The following BRSK2 variants were observed in gnomAD, a reference collection of about 807,000 sequenced individuals.
The protein encoded by BRSK2 is BR serine/threonine kinase 2, also known as serine/threonine-protein kinase BRSK2.
BRSK2 carries 19 observed loss-of-function variants against 83.3 expected under a neutral mutation model. The observed-to-expected ratio is 0.23, with a 90% confidence interval of 0.16 to 0.33. The LOEUF (loss-of-function observed/expected upper bound fraction) is 0.33, where lower values mean the gene tolerates loss of function less well. Ranked by LOEUF, BRSK2 falls within the 10% of genes least tolerant of loss-of-function variation. The probability of loss-of-function intolerance (pLI) is 1.00; values close to 1 mark genes in which losing one functional copy is unlikely to be tolerated. For synonymous variants in BRSK2, 519 were observed against 435.4 expected (o/e 1.19, Z -2.39); for missense variants, 798 against 1,042.3 (o/e 0.77, Z 3.23).
rs529549508 is a variant in BRSK2, at chr11:1,394,381, C to T, written c.91+4006C>T. Reference sequence around the variant, plus strand: ...CCTGGAGATGGGCCATGGAGATGGGCCATGGAGATGGGTCCTGGAGATGGG... The same window carrying T: ...CCTGGAGATGGGCCATGGAGATGGGTCATGGAGATGGGTCCTGGAGATGGG... On this transcript the variant is annotated intron_variant, in intron 1 of 19. Coordinates refer to ENST00000528841, the MANE Select transcript of BRSK2 (RefSeq NM_001256627.2). Among the ~76,000 whole-genome samples, 261 of 63,770 alleles carry T rather than the reference C, an allele frequency of 4.1e-3. 15 individuals are homozygous for T. Among genetic ancestry groups the T allele is most frequent in the African/African-American group, 0.025 (221 of 8,806 alleles). 41.8% of individuals were successfully genotyped at this position (63,770 alleles called of 152,430 possible).
Position 1,442,490 on chromosome 11 carries a change from C to T in BRSK2, c.414C>T (p.Cys138=), listed in dbSNP as rs770886182. 1.2e-6 allele frequency: 2 copies of T among 1,611,998 alleles called. No individual in the cohort carries two copies. The highest frequency in any genetic ancestry group is 4.5e-5 in the East Asian group (2 of 44,850). Residue 138 remains cysteine (C), a splice_region_variant and synonymous_variant, in exon 5 of 20, where the codon TGC becomes TGT. Coordinates refer to ENST00000528841, the MANE Select transcript of BRSK2 (RefSeq NM_001256627.2). Reference sequence around the variant, plus strand: ...TCAGCCTCACCACCCTCCTCCCCAGCCACAGGGATCTGAAACCTGAAAACC... The same window carrying T: ...TCAGCCTCACCACCCTCCTCCCCAGTCACAGGGATCTGAAACCTGAAAACC... ...ALDFCHSHSI[C]HRDLKPENLL...
At chr11:1,458,126 T>C (rs990282655) in intron 18 of BRSK2, among the ~76,000 whole-genome samples, 3 of 152,012 alleles carry the variant, frequency 2.0e-5, no homozygotes, top group Non-Finnish European at 2.9e-5. Flanking sequence ...AGGGCTTGTC[T>C]GGTAGGGCAA....
At position 1,418,096 on chromosome 11, in the gene BRSK2, CA is replaced by C. The variant is rs566944971; in HGVS notation, c.92-17943del. Among the ~76,000 whole-genome samples, 307 of 139,958 alleles carry C rather than the reference CA, an allele frequency of 2.2e-3. 1 individual carries two copies. Among genetic ancestry groups the C allele is most frequent in the Admixed American group, 3.5e-3 (49 of 14,150 alleles). The allele number at this position is 139,958 out of a possible 152,430, so 91.8% of individuals were successfully genotyped here. A position where few individuals can be genotyped will look rare whatever the true frequency, so the allele number is the denominator to read the frequency against. Reference sequence around the variant, plus strand: ...TGTTTCTTCTCTTGAGAGTGGGTCACACTGTGTCCTGCTTCTGTTGGCTGTT... The same window carrying C: ...TGTTTCTTCTCTTGAGAGTGGGTCACCTGTGTCCTGCTTCTGTTGGCTGTT... On this transcript the variant is annotated intron_variant, in intron 1 of 19. Transcript: ENST00000528841.
At chr11:1,450,849 T>C (rs1845733753) in intron 14 of BRSK2, 55 bp downstream of exon 14, 2 of 1,497,090 alleles carry the variant, frequency 1.3e-6, no homozygotes, top group Admixed American at 2.5e-5. Context: ...AGAGGCTGCC[T>C]TGGGGAGGGC....
chr11:1,424,343 G>A (rs1281948196), intron 1 of BRSK2, among the ~76,000 whole-genome samples: 1 of 152,222 alleles, frequency 6.6e-6, no homozygotes, highest in Non-Finnish European at 1.5e-5. Flanking sequence ...CACTGGGTGG[G>A]TCTGAGTGTG....
intron 2 of BRSK2, among the ~76,000 whole-genome samples, chr11:1,436,782 G>T (rs897405571): frequency 6.6e-6 from 1 of 152,062 alleles, no homozygotes; most frequent in Non-Finnish European, 1.5e-5. Flanking sequence ...GGCCAGTCGA[G>T]CCCCCTCCTC....
intron 1 of BRSK2, among the ~76,000 whole-genome samples, chr11:1,391,346 G>A (rs1455430232): frequency 6.6e-6 from 1 of 152,204 alleles, no homozygotes; most frequent in Non-Finnish European, 1.5e-5. Flanking sequence ...AGACCCGGGC[G>A]GGCAGGGGTG....
rs73411411 is a variant in BRSK2, at chr11:1,454,418, C to T, written c.1545-67C>T. ...GATTCCGCCGTTCCAACCCCAGATT[C>T]GAGGGAGGCAGGGGTGTGGACGGTG... On this transcript the variant is annotated intron_variant, in intron 15 of 19. Coordinates refer to ENST00000528841, the MANE Select transcript of BRSK2 (RefSeq NM_001256627.2). This position sits in a 1 kb window ranked among gnomAD's most constrained non-coding sequence, Gnocchi z 5.2. 8.2e-6 allele frequency: 13 copies of T among 1,580,864 alleles called. No homozygotes were observed. The highest frequency in any genetic ancestry group is 4.5e-5 in the East Asian group (2 of 44,526).
intron 1 of BRSK2, among the ~76,000 whole-genome samples, chr11:1,428,005 C>T (rs1270050431): frequency 1.3e-5 from 2 of 152,166 alleles, no homozygotes; most frequent in African/African-American, 4.8e-5. Context: ...CTAGGAGGGA[C>T]GCCTCTATGC....
At chr11:1,444,845 C>A in intron 8 of BRSK2, 126 bp from the exon 9 acceptor site, 1 of 821,672 alleles carries the variant, frequency 1.2e-6, no homozygotes, top group Non-Finnish European at 2.0e-6. Flanking sequence ...CTTCCCCCCA[C>A]TCACTTGCCC....
rs188338848 is a variant in BRSK2 at position 1,460,219 on chromosome 11, G to T, written c.1988-281G>T. Reference sequence around the variant, plus strand: ...TGCGCAACAGCTCGGAGGCGCTGGGGTCCTAAGTTCCTGGCCCCACGGCGC... The same window carrying T: ...TGCGCAACAGCTCGGAGGCGCTGGGTTCCTAAGTTCCTGGCCCCACGGCGC... On this transcript the variant is annotated intron_variant, in intron 19 of 19. Transcript: ENST00000528841. Among the ~76,000 whole-genome samples the T allele has an allele frequency of 2.0e-3, 302 of 152,240 alleles. 1 individual carries two copies. Among genetic ancestry groups the T allele is most frequent in the Non-Finnish European group, 3.5e-3 (241 of 68,014 alleles).
At position 1,390,992 on chromosome 11, in the gene BRSK2, G is replaced by A. The variant is rs779210325; in HGVS notation, c.91+617G>A. 7.9e-5 allele frequency among the ~76,000 whole-genome samples: 12 copies of A among 152,186 alleles called. No homozygotes were observed. Among genetic ancestry groups the A allele is most frequent in the African/African-American group, 1.2e-4 (5 of 41,452 alleles). ...TCCCACGGGGCAGGGAGAGGCCATT[G>A]GTGCTGGGACCAGAAGTGCGTGGGA... On this transcript the variant is annotated intron_variant, in intron 1 of 19. Coordinates refer to ENST00000528841, the MANE Select transcript of BRSK2 (RefSeq NM_001256627.2). This position sits in a 1 kb window ranked among gnomAD's most constrained non-coding sequence, Gnocchi z 6.8.
At chr11:1,442,402 C>G in intron 4 of BRSK2, 88 bp from the exon 5 acceptor site, 1 of 945,870 alleles carries the variant, frequency 1.1e-6, no homozygotes, top group Non-Finnish European at 1.7e-6. Context: ...TTTGGAGAGG[C>G]AGTGGGCTCT....
chr11:1,420,157 C>CGTGCATGTGTGCGTGT (rs1239078302), intron 1 of BRSK2, among the ~76,000 whole-genome samples: 1 of 152,216 alleles, frequency 6.6e-6, no homozygotes, highest in Non-Finnish European at 1.5e-5. Context: ...AGTGTGCGTG[C>CGTGCATGTGTGCGTGT]GTGCATGTGT....
In BRSK2 at chr11:1,446,070, TGGCTGGGCTGGGCTGGGCTTAGCTG is replaced by T. The variant is rs1452573224; in HGVS notation, c.1226+181_1226+205del. On this transcript the variant is annotated intron_variant, in intron 12 of 19. Coordinates refer to ENST00000528841, the MANE Select transcript of BRSK2 (RefSeq NM_001256627.2). Reference sequence around the variant, plus strand: ...TAGCTGGGCTGGGCTGGGCTGGGCTTGGCTGGGCTGGGCTGGGCTTAGCTGGGCTGGGCTGGGCTGGGAGCTGAGC... The same window carrying T: ...TAGCTGGGCTGGGCTGGGCTGGGCTTGGCTGGGCTGGGCTGGGAGCTGAGC... Among the ~76,000 whole-genome samples, 186 of 54,754 alleles carry T rather than the reference TGGCTGGGCTGGGCTGGGCTTAGCTG, an allele frequency of 3.4e-3. No homozygotes were observed. The Middle Eastern group carries it at 0.034, about 10-fold the overall frequency. The allele number at this position is 54,754 out of a possible 152,430, so 35.9% of individuals were successfully genotyped here. A position where few individuals can be genotyped will look rare whatever the true frequency, so the allele number is the denominator to read the frequency against.
In BRSK2 at chr11:1,390,312, G is replaced by A. The variant is rs1454129707; in HGVS notation, c.28G>A (p.Ala10Thr). The A allele has an allele frequency of 9.6e-7, 1 of 1,045,810 alleles. No individual in the cohort carries two copies. The allele number at this position is 1,045,810 out of a possible 1,614,324, so 64.8% of individuals were successfully genotyped here. A position where few individuals can be genotyped will look rare whatever the true frequency, so the allele number is the denominator to read the frequency against. Residue 10 changes from alanine to threonine, a missense_variant, in exon 1 of 20, where the codon GCG (alanine) becomes ACG (threonine). Ala to Thr is a moderately conservative substitution (Grantham distance 58, BLOSUM62 0). Transcript: ENST00000528841. This position sits in a 1 kb window ranked among gnomAD's most constrained non-coding sequence, Gnocchi z 6.8. The stretch of plus-strand genomic sequence containing the variant: ...GACATCGACGGGGAAGGACGGCGGC[G>A]CGCAGCACGCGCAGTATGTTGGGCC... MTSTGKDGG[A>T]QHAQYVGPYR...
rs539983539 is a variant in BRSK2 at position 1,396,221 on chromosome 11, C to T, written c.91+5846C>T. Among the ~76,000 whole-genome samples, 342 of 93,752 alleles carry T rather than the reference C, an allele frequency of 3.6e-3. 1 individual carries two copies. The highest frequency in any genetic ancestry group is 9.2e-3 in the African/African-American group (160 of 17,372). The allele number at this position is 93,752 out of a possible 152,430, so 61.5% of individuals were successfully genotyped here. On this transcript the variant is annotated intron_variant, in intron 1 of 19. Coordinates refer to ENST00000528841, the MANE Select transcript of BRSK2 (RefSeq NM_001256627.2). ...CCACCCACGTCCCCCACTCCTGGTC[C>T]CTCTTCCCTTCCACCCACGTCCCCC...
At chr11:1,447,738 C>T (rs1852346811) in intron 12 of BRSK2, 1 of 1,523,090 alleles carries the variant, frequency 6.6e-7, no homozygotes. Flanking sequence ...GCCCTGGGGG[C>T]CGACCTGTGC....
At chr11:1,396,966 G>A (rs571246296) in intron 1 of BRSK2, among the ~76,000 whole-genome samples, 56 of 152,312 alleles carry the variant, frequency 3.7e-4, no homozygotes, top group Admixed American at 7.8e-4. Flanking sequence ...AAGCTTGTGC[G>A]AGGTTCCAAT....
Sources: gnomAD v4.1 joint callset for allele counts (sites outside exome capture counted in the v4.1 genomes callset) on GRCh38, gnomAD v4.1.1 for gene constraint, Gnocchi (gnomAD v3.1) non-coding constraint, MANE v1.5 for transcripts, NCBI Gene and HGNC (gene_info 2026-07-23, HGNC 2026-07-21) for gene names.